DENND4C: variants seen among roughly 807,000 people sequenced by gnomAD.
DENND4C encodes DENN domain containing 4C.
Under a neutral mutation model 203.0 loss-of-function variants are expected in DENND4C, and 108 were observed. That is an observed-to-expected ratio of 0.53 (90% CI 0.46 to 0.62). The LOEUF is 0.62. Ranked by LOEUF, DENND4C falls within the 20% of genes least tolerant of loss-of-function variation. The pLI is 0.00. For synonymous variants in DENND4C, 871 were observed against 792.4 expected (o/e 1.10, Z -1.67); for missense variants, 2,481 against 2,301.2 (o/e 1.08, Z -1.60).
At chr9:19,369,709 G>A (rs1380546315) in intron 30 of DENND4C, 128 bp from the exon 31 acceptor site, 13 of 479,590 alleles carry the variant, frequency 2.7e-5, no homozygotes, top group Non-Finnish European at 4.0e-5. Flanking sequence ...GAAGGTTGCA[G>A]TGAGCCATGA....
intron 30 of DENND4C, among the ~76,000 whole-genome samples, chr9:19,365,857 T>C (rs1827552656): frequency 1.3e-5 from 2 of 151,998 alleles, no homozygotes; most frequent in Non-Finnish European, 2.9e-5. Flanking sequence ...TACTTATGGA[T>C]AAATTGAACC....
rs186298509 is a variant in DENND4C, at chr9:19,298,220, A to G, written c.1107+98A>G. On this transcript the variant is annotated intron_variant, in intron 7 of 32. Coordinates refer to ENST00000434457, the MANE Select transcript of DENND4C (RefSeq NM_001330640.2). ...ATACCTTTGGGTTTGAGGTGGAGCA[A>G]TATGCATTCATAAAGTCCTTGGATT... 69 of 983,136 alleles carry G rather than the reference A, an allele frequency of 7.0e-5. No individual in the cohort carries two copies. In the East Asian group the frequency reaches 9.1e-4, roughly 13 times the overall value. 60.9% of individuals were successfully genotyped at this position (983,136 alleles called of 1,614,324 possible).
At chr9:19,342,962 T>C (rs991056419) in intron 22 of DENND4C, among the ~76,000 whole-genome samples, 183 bp downstream of exon 22, 1 of 152,212 alleles carries the variant, frequency 6.6e-6, no homozygotes, top group African/African-American at 2.4e-5. Context: ...GGTGTTTGAT[T>C]TTTAAAAGGA....
intron 12 of DENND4C, among the ~76,000 whole-genome samples, chr9:19,321,850 AG>A (rs933279112): frequency 2.3e-5 from 3 of 131,632 alleles, no homozygotes; most frequent in African/African-American, 8.2e-5. Context: ...AAAAAAAAAA[AG>A]AGAAATAGCT....
At chr9:19,271,594 G>C (rs1831681231) in intron 1 of DENND4C, among the ~76,000 whole-genome samples, 1 of 152,170 alleles carries the variant, frequency 6.6e-6, no homozygotes, top group Non-Finnish European at 1.5e-5. Context: ...GGCCCAGTGA[G>C]GTGGCTCACG....
chr9:19,304,034 A>C (rs1208416026), intron 9 of DENND4C, among the ~76,000 whole-genome samples: 3 of 149,088 alleles, frequency 2.0e-5, no homozygotes, highest in Non-Finnish European at 4.4e-5. Flanking sequence ...AAAAACATCA[A>C]AACCTGTCTT....
intron 11 of DENND4C, 34 bp from the exon 12 acceptor site, chr9:19,316,587 T>C: frequency 6.2e-7 from 1 of 1,605,778 alleles, no homozygotes; most frequent in African/African-American, 1.3e-5. Flanking sequence ...AAATTTAACA[T>C]AATACCATTT....
intron 22 of DENND4C, among the ~76,000 whole-genome samples, chr9:19,344,416 A>G (rs1427124279): frequency 2.0e-5 from 3 of 152,172 alleles, no homozygotes; most frequent in Admixed American, 1.3e-4. Context: ...AGATCGCTTG[A>G]GGCCAGGAGA....
At chr9:19,300,097 T>C (rs755796728) in intron 8 of DENND4C, 90 bp from the exon 9 acceptor site, 74 of 1,291,276 alleles carry the variant, frequency 5.7e-5, no homozygotes, top group Non-Finnish European at 7.4e-5. Context: ...AACACTAGAC[T>C]CTCAATCTGT....
At position 19,235,204 on chromosome 9, in the gene DENND4C, A is replaced by T. The variant is rs1821632289; in HGVS notation, c.-18+4371A>T. 2.0e-5 allele frequency among the ~76,000 whole-genome samples: 3 copies of T among 152,178 alleles called. No homozygotes were observed. In the South Asian group the frequency reaches 6.2e-4, roughly 32 times the overall value. On this transcript the variant is annotated intron_variant, in intron 1 of 32. Transcript: ENST00000434457. Reference sequence around the variant, plus strand: ...GGTCTTGAACTCCTGACCTCAGGTGATCCATCCGCCTCGGCCTCCCAAAGT... The same window carrying T: ...GGTCTTGAACTCCTGACCTCAGGTGTTCCATCCGCCTCGGCCTCCCAAAGT...
chr9:19,318,569 A>G (rs1842222776), intron 12 of DENND4C, among the ~76,000 whole-genome samples: 1 of 152,212 alleles, frequency 6.6e-6, no homozygotes, highest in Non-Finnish European at 1.5e-5. Context: ...ATAACAAAGT[A>G]CCACAGACTA....
intron 1 of DENND4C, among the ~76,000 whole-genome samples, chr9:19,236,181 A>G (rs1050362671): frequency 1.3e-5 from 2 of 152,116 alleles, no homozygotes; most frequent in African/African-American, 4.8e-5. Context: ...TCTATCTGCT[A>G]GGAATAATAA....
intron 2 of DENND4C, 179 bp downstream of exon 2, chr9:19,276,658 A>G (rs1832949077): frequency 7.5e-6 from 3 of 402,210 alleles, no homozygotes; most frequent in Non-Finnish European, 1.3e-5. Flanking sequence ...ATCCACCCTT[A>G]CTGAATTTCT....
intron 5 of DENND4C, chr9:19,292,354 G>A (rs34334332): frequency 0.074 from 11,271 of 151,654 alleles, 520 homozygotes; most frequent in South Asian, 0.16. Flanking sequence ...ATTATATCAT[G>A]GTGCTATCAT....
chr9:19,287,806 C>T (rs1835499707), intron 3 of DENND4C, among the ~76,000 whole-genome samples: 1 of 152,052 alleles, frequency 6.6e-6, no homozygotes, highest in Non-Finnish European at 1.5e-5. Context: ...GATCTTGGCT[C>T]ACTGCAACCT....
Position 19,288,623 on chromosome 9 carries a change from A to G in DENND4C, c.586A>G (p.Lys196Glu). The change falls in exon 4 of 33, where the codon AAG (lysine) becomes GAG (glutamate). Residue 196 changes from lysine (K) to glutamate (E), a missense_variant. Around this residue, in one of 3 missense-constraint regions of DENND4C, gnomAD observed 2,289 missense variants for 2,113.3 expected, o/e 1.08. Transcript: ENST00000434457. ...GGGTTCCAGCGTGTTTCTGTGTTATAAGAAGTCTGTACCTGCTTCAAATGC... is the reference window on the plus strand; with the variant it reads ...GGGTTCCAGCGTGTTTCTGTGTTATGAGAAGTCTGTACCTGCTTCAAATGC... ...MWGSSVFLCY[K>E]KSVPASNAIA... The G allele has an allele frequency of 8.9e-6, 11 of 1,231,846 alleles. No homozygotes were observed. Among genetic ancestry groups the G allele is most frequent in the Non-Finnish European group, 1.0e-5 (10 of 987,816 alleles). The allele number at this position is 1,231,846 out of a possible 1,614,324, so 76.3% of individuals were successfully genotyped here. A position where few individuals can be genotyped will look rare whatever the true frequency, so the allele number is the denominator to read the frequency against.
chr9:19,275,169 G>C (rs1016588673), intron 1 of DENND4C, among the ~76,000 whole-genome samples: 7 of 150,642 alleles, frequency 4.6e-5, no homozygotes, highest in African/African-American at 1.7e-4. Context: ...GTAGAGACAG[G>C]GTTTCACCAT....
At chr9:19,267,437 G>T (rs1830728021) in intron 1 of DENND4C, among the ~76,000 whole-genome samples, 2 of 151,968 alleles carry the variant, frequency 1.3e-5, no homozygotes, top group African/African-American at 2.4e-5. Flanking sequence ...TGCTCTTTCA[G>T]TTTCCATTTG....
chr9:19,319,266 T>C (rs1308655776), intron 12 of DENND4C, among the ~76,000 whole-genome samples: 6 of 146,384 alleles, frequency 4.1e-5, no homozygotes, highest in African/African-American at 7.5e-5. Context: ...TGTATAAACA[T>C]ATATAGTATA....
Sources: gnomAD v4.1 joint callset for allele counts (sites outside exome capture counted in the v4.1 genomes callset) on GRCh38, gnomAD v4.1.1 for gene constraint, gnomAD v4.1.1 regional missense constraint, MANE v1.5 for transcripts, NCBI Gene and HGNC (gene_info 2026-07-23, HGNC 2026-07-21) for gene names.